SAMHD1: variants seen among roughly 807,000 people sequenced by gnomAD.
SAMHD1 encodes SAM and HD domain containing deoxynucleoside triphosphate triphosphohydrolase 1, also known as deoxynucleoside triphosphate triphosphohydrolase SAMHD1.
SAMHD1 carries 54 observed loss-of-function variants against 79.6 expected under a neutral mutation model. The ratio of observed to expected loss-of-function variants is 0.68; its 90% CI spans 0.55 to 0.85. The LOEUF (loss-of-function observed/expected upper bound fraction) is 0.85, where lower values mean the gene tolerates loss of function less well. Ranked by LOEUF, SAMHD1 falls within the 40% of genes least tolerant of loss-of-function variation. The probability of loss-of-function intolerance (pLI) is 0.00; values close to 1 mark genes in which losing one functional copy is unlikely to be tolerated. For missense variants in SAMHD1, 663 were observed against 782.7 expected, an observed-to-expected ratio of 0.85 and a Z score of 1.82; for synonymous variants, 260 against 264.1, an observed-to-expected ratio of 0.98 and a Z score of 0.15.
chr20:36,905,878 CAGG>C lies in SAMHD1; in HGVS notation c.1271-378_1271-376del, dbSNP rs574606792. Among the ~76,000 whole-genome samples the C allele has an allele frequency of 1.9e-3, 284 of 151,488 alleles. 1 individual carries two copies. Among genetic ancestry groups the C allele is most frequent in the African/African-American group, 6.4e-3 (264 of 41,248 alleles). On this transcript the variant is annotated intron_variant, in intron 11 of 15. Coordinates refer to ENST00000646673, the MANE Select transcript of SAMHD1 (RefSeq NM_015474.4). ...ATCCCAGCTACTCAGGAGGCTGAGG[CAGG>C]AGAATTGCTTGACCCCGGAAAGTGG...
rs1297061868 is a variant in SAMHD1, at chr20:36,919,367, T to G, written c.849A>C (p.Ser283=). The change falls in exon 7 of 16, where the codon TCA becomes TCC. Residue 283 remains serine (S), a synonymous_variant. Transcript: ENST00000646673. ...ATTAAGCTGTACATAAACTTACCAATGAATCTTCGACAGGTGATTCAAGTG... is the reference window on the plus strand; with the variant it reads ...ATTAAGCTGTACATAAACTTACCAAGGAATCTTCGACAGGTGATTCAAGTG... ...VGPLESPVED[S]LWPYKGRPEN... 5.0e-6 allele frequency: 8 copies of G among 1,613,512 alleles called. No homozygotes were observed. Among genetic ancestry groups the G allele is most frequent in the Non-Finnish European group, 6.8e-6 (8 of 1,179,630 alleles).
chr20:36,899,461 C>A (rs1034997926), intron 13 of SAMHD1, among the ~76,000 whole-genome samples: 6 of 151,988 alleles, frequency 3.9e-5, no homozygotes, highest in Admixed American at 6.6e-5. Flanking sequence ...TCCTAGCCCC[C>A]ACAAACCAGG....
At chr20:36,912,222 TCTTCC>T in intron 10 of SAMHD1, 1 of 504,646 alleles carries the variant, frequency 2.0e-6, no homozygotes, top group Non-Finnish European at 3.6e-6. Flanking sequence ...AGCCAGCTCT[TCTTCC>T]CTTCATCTGC....
intron 2 of SAMHD1, among the ~76,000 whole-genome samples, chr20:36,942,724 G>A (rs368189253): frequency 8.6e-5 from 13 of 151,820 alleles, no homozygotes; most frequent in African/African-American, 3.1e-4. Flanking sequence ...TCGGCTCACT[G>A]CAAGCTCCAC....
chr20:36,903,911 G>A lies in SAMHD1; in HGVS notation c.1503+246C>T, dbSNP rs959035677. On this transcript the variant is annotated intron_variant, in intron 13 of 15. Transcript: ENST00000646673. ...TAAAAAAAATTAAAATGTATTACTT[G>A]TGTAATTAAAAATTTTTAATTAATA... 5.4e-5 allele frequency: 21 copies of A among 389,134 alleles called. No homozygotes were observed. The Admixed American group carries it at 8.3e-4, about 15-fold the overall frequency. 24.1% of individuals were successfully genotyped at this position (389,134 alleles called of 1,614,324 possible).
intron 9 of SAMHD1, among the ~76,000 whole-genome samples, chr20:36,913,778 G>GTTTCTTTTTT (rs2063459397): frequency 7.9e-6 from 1 of 126,844 alleles, no homozygotes. Context: ...TTTTTAGACA[G>GTTTCTTTTTT]TCTCGCTCTG....
chr20:36,942,725 C>T (rs1186943972), intron 2 of SAMHD1, among the ~76,000 whole-genome samples: 2 of 151,896 alleles, frequency 1.3e-5, no homozygotes, highest in African/African-American at 4.8e-5. Context: ...CGGCTCACTG[C>T]AAGCTCCACC....
At chr20:36,904,450 G>A in intron 12 of SAMHD1, 1 of 541,916 alleles carries the variant, frequency 1.8e-6, no homozygotes. Flanking sequence ...CAGGCGCAGT[G>A]GCTCACGTCT....
intron 11 of SAMHD1, 35 bp downstream of exon 11, chr20:36,911,183 G>C (rs373368831): frequency 3.9e-6 from 5 of 1,269,238 alleles, no homozygotes. Context: ...CAGTTTATCT[G>C]AGATGGACCA....
rs915079321 is a variant in SAMHD1, at chr20:36,890,659, A to C, written c.*2273T>G. 5.3e-5 allele frequency: 8 copies of C among 151,942 alleles called. No individual in the cohort carries two copies. The highest frequency in any genetic ancestry group is 1.9e-4 in the African/African-American group (8 of 41,354). The allele number at this position is 151,942 out of a possible 1,614,324, so 9.4% of individuals were successfully genotyped here. A position where few individuals can be genotyped will look rare whatever the true frequency, so the allele number is the denominator to read the frequency against. The stretch of plus-strand genomic sequence containing the variant: ...TCACCCGGCTAATTTTTGTATTTTT[A>C]GTAGAGACTGGGTTTCGCCATGCTA... On this transcript the variant is annotated 3_prime_UTR_variant, in exon 16 of 16. Transcript: ENST00000646673.
chr20:36,919,573 C>T, intron 6 of SAMHD1, 54 bp from the exon 7 acceptor site: 5 of 1,534,172 alleles, frequency 3.3e-6, no homozygotes, highest in Non-Finnish European at 4.5e-6. Context: ...CATTGGGAGC[C>T]CTGACTAACA....
intron 7 of SAMHD1, 24 bp from the exon 8 acceptor site, chr20:36,917,073 G>A (rs1002741630): frequency 6.8e-7 from 1 of 1,471,774 alleles, no homozygotes; most frequent in Non-Finnish European, 9.5e-7. Context: ...AAACCCACTG[G>A]AAGTTTTAGG....
At chr20:36,901,057 GA>G (rs566610995) in intron 13 of SAMHD1, among the ~76,000 whole-genome samples, 1 of 151,828 alleles carries the variant, frequency 6.6e-6, no homozygotes, top group Non-Finnish European at 1.5e-5. Flanking sequence ...AAACATAAAG[GA>G]AAAAAAAGAC....
chr20:36,907,117 G>A (rs1432549053), intron 11 of SAMHD1, among the ~76,000 whole-genome samples: 4 of 150,454 alleles, frequency 2.7e-5, no homozygotes, highest in African/African-American at 9.8e-5. Context: ...AAGGAGACAA[G>A]GTCAGGTTCT....
chr20:36,913,385 C>A (rs1429460508), intron 9 of SAMHD1, among the ~76,000 whole-genome samples: 2 of 151,566 alleles, frequency 1.3e-5, no homozygotes, highest in Non-Finnish European at 2.9e-5. Flanking sequence ...GGGCAGATCA[C>A]CTGAGGTCAG....
intron 15 of SAMHD1, among the ~76,000 whole-genome samples, chr20:36,895,251 C>G (rs1455091713): frequency 1.3e-5 from 2 of 151,836 alleles, no homozygotes; most frequent in Non-Finnish European, 2.9e-5. Flanking sequence ...CCGACCTAAC[C>G]CTGTGGTGTC....
chr20:36,919,878 T>C (rs1305603455), intron 6 of SAMHD1, among the ~76,000 whole-genome samples: 1 of 152,112 alleles, frequency 6.6e-6, no homozygotes, highest in Non-Finnish European at 1.5e-5. Context: ...ACACGTGCAG[T>C]TATAAGCTCT....
chr20:36,933,648 G>A (rs541559432), intron 4 of SAMHD1, among the ~76,000 whole-genome samples: 26 of 151,912 alleles, frequency 1.7e-4, no homozygotes, highest in African/African-American at 5.8e-4. Flanking sequence ...GCGCCACCAC[G>A]CCTTGCTAAT....
At chr20:36,906,031 G>C (rs1490213776) in intron 11 of SAMHD1, among the ~76,000 whole-genome samples, 1 of 152,164 alleles carries the variant, frequency 6.6e-6, no homozygotes, top group African/African-American at 2.4e-5. Flanking sequence ...AATCCAGAGA[G>C]TGGGGAAGGA....
Sources: gnomAD v4.1 joint callset for allele counts (sites outside exome capture counted in the v4.1 genomes callset) on GRCh38, gnomAD v4.1.1 for gene constraint, MANE v1.5 for transcripts, NCBI Gene and HGNC (gene_info 2026-07-23, HGNC 2026-07-21) for gene names.